The following HIPK2 variants were observed in gnomAD, a reference collection of about 807,000 sequenced individuals.
HIPK2 encodes the protein homeodomain-interacting protein kinase 2.
Under a neutral mutation model 113.7 loss-of-function variants are expected in HIPK2, and 27 were observed. The ratio of observed to expected loss-of-function variants is 0.24; its 90% confidence interval spans 0.17 to 0.33. The LOEUF (loss-of-function observed/expected upper bound fraction) is 0.33, where lower values mean the gene tolerates loss of function less well. HIPK2 is among the 10% of genes least tolerant of loss of function. The pLI is 1.00. For synonymous variants in HIPK2, 631 were observed against 642.2 expected, an observed-to-expected ratio of 0.98 and a Z score of 0.26; for missense variants, 1,257 against 1,588.0, an observed-to-expected ratio of 0.79 and a Z score of 3.54.
intron 13 of HIPK2, among the ~76,000 whole-genome samples, chr7:139,577,455 A>G (rs1569442638): frequency 1.3e-5 from 2 of 152,060 alleles, no homozygotes; most frequent in Admixed American, 1.3e-4. Context: ...CTGGGCCAAC[A>G]CTGGGCTTCT....
intron 2 of HIPK2, among the ~76,000 whole-genome samples, chr7:139,633,906 T>C (rs982881214): frequency 7.9e-5 from 12 of 151,212 alleles, no homozygotes; most frequent in Non-Finnish European, 7.4e-5. Flanking sequence ...GATCGTGCCA[T>C]TGTACTCCAG....
intron 12 of HIPK2, among the ~76,000 whole-genome samples, chr7:139,584,894 C>A (rs574613830): frequency 3.9e-5 from 6 of 152,216 alleles, no homozygotes; most frequent in Admixed American, 1.3e-4. Context: ...TGTGGAACTT[C>A]ATACAATAGG....
intron 1 of HIPK2, among the ~76,000 whole-genome samples, chr7:139,737,160 G>C (rs1230975083): frequency 1.3e-5 from 2 of 152,110 alleles, no homozygotes; most frequent in African/African-American, 4.8e-5. Flanking sequence ...GGCTCATATA[G>C]TATTCCTACC....
chr7:139,728,537 C>A (rs780518375), intron 1 of HIPK2, among the ~76,000 whole-genome samples: 44 of 152,130 alleles, frequency 2.9e-4, no homozygotes, highest in Non-Finnish European at 5.1e-4. Flanking sequence ...CCAAATTTCC[C>A]TTTTAATAAG....
At chr7:139,723,763 G>C (rs1236853576) in intron 1 of HIPK2, among the ~76,000 whole-genome samples, 2 of 152,156 alleles carry the variant, frequency 1.3e-5, no homozygotes, top group Non-Finnish European at 2.9e-5. Context: ...TTCTAGCAAA[G>C]CTCAAGCCCT....
intron 13 of HIPK2, among the ~76,000 whole-genome samples, chr7:139,578,992 A>T (rs1798580682): frequency 6.6e-6 from 1 of 152,138 alleles, no homozygotes; most frequent in Admixed American, 6.5e-5. Flanking sequence ...TCTGTGATTT[A>T]TATTTTTTGG....
chr7:139,709,127 AC>A (rs1794990801), intron 2 of HIPK2, among the ~76,000 whole-genome samples: 1 of 152,298 alleles, frequency 6.6e-6, no homozygotes, highest in East Asian at 1.9e-4. Context: ...CTTATTGATT[AC>A]TTCTCTTCAA....
chr7:139,627,402 T>C (rs1800472214), intron 5 of HIPK2, among the ~76,000 whole-genome samples: 1 of 152,192 alleles, frequency 6.6e-6, no homozygotes, highest in South Asian at 2.1e-4. Flanking sequence ...ACCTACAGCA[T>C]ATCATCCTTC....
rs1039226018 is a variant in HIPK2 at position 139,608,360 on chromosome 7, G to GTA, written c.2113-4139_2113-4138dup. Among the ~76,000 whole-genome samples, 12 of 137,394 alleles carry GTA rather than the reference G, an allele frequency of 8.7e-5. No homozygotes were observed. In the South Asian group the frequency reaches 8.8e-4, roughly 10 times the overall value. The allele number at this position is 137,394 out of a possible 152,430, so 90.1% of individuals were successfully genotyped here. The stretch of plus-strand genomic sequence containing the variant: ...TATATAACAGGGATAATATATATGT[G>GTA]TATATATATACATATATACATATAT... On this transcript the variant is annotated intron_variant, in intron 9 of 14. Coordinates refer to ENST00000406875, the MANE Select transcript of HIPK2 (RefSeq NM_022740.5).
chr7:139,726,489 G>T (rs1276502073), intron 1 of HIPK2, among the ~76,000 whole-genome samples: 1 of 152,192 alleles, frequency 6.6e-6, no homozygotes, highest in Non-Finnish European at 1.5e-5. Context: ...TGAAGTGTTG[G>T]GGGAGGGGAG....
chr7:139,769,359 C>T (rs1796611996), intron 1 of HIPK2, among the ~76,000 whole-genome samples: 1 of 152,146 alleles, frequency 6.6e-6, no homozygotes, highest in African/African-American at 2.4e-5. Context: ...CCACCCCTGG[C>T]TGTCTGGTTC....
intron 9 of HIPK2, among the ~76,000 whole-genome samples, chr7:139,609,850 G>C (rs1034664871): frequency 6.6e-6 from 1 of 152,140 alleles, no homozygotes; most frequent in Non-Finnish European, 1.5e-5. Context: ...AGAAATCTCT[G>C]CATGTCAAGA....
intron 10 of HIPK2, among the ~76,000 whole-genome samples, chr7:139,601,692 T>C (rs572334538): frequency 1.3e-5 from 2 of 152,334 alleles, no homozygotes; most frequent in East Asian, 3.9e-4. Flanking sequence ...TGTATGAAGC[T>C]TAAAGCCTTG....
chr7:139,725,546 T>C (rs1585425299), intron 1 of HIPK2, among the ~76,000 whole-genome samples: 2 of 152,358 alleles, frequency 1.3e-5, no homozygotes, highest in Admixed American at 6.5e-5. Context: ...TACCTAGTTA[T>C]CCAGAATTGT....
chr7:139,600,890 T>G (rs1799400611), intron 10 of HIPK2, among the ~76,000 whole-genome samples: 1 of 152,138 alleles, frequency 6.6e-6, no homozygotes, highest in South Asian at 2.1e-4. Flanking sequence ...AGATAAATAT[T>G]CCCTCCAACT....
chr7:139,679,920 T>A (rs1487539168), intron 2 of HIPK2, among the ~76,000 whole-genome samples: 1 of 151,874 alleles, frequency 6.6e-6, no homozygotes, highest in African/African-American at 2.4e-5. Context: ...ACATCTAGGA[T>A]GCTTTTATCA....
rs2116402509 is a variant in HIPK2, at chr7:139,567,181, T to C, written c.*5746A>G. 1 of 152,202 alleles carries C rather than the reference T, an allele frequency of 6.6e-6. No homozygotes were observed. 9.4% of individuals were successfully genotyped at this position (152,202 alleles called of 1,614,324 possible). A position where few individuals can be genotyped will look rare whatever the true frequency, so the allele number is the denominator to read the frequency against. On this transcript the variant is annotated 3_prime_UTR_variant, in exon 15 of 15. Coordinates refer to ENST00000406875, the MANE Select transcript of HIPK2 (RefSeq NM_022740.5). Reference sequence around the variant, plus strand: ...AAGTGAGAGTTCTAAGGCATCAAAGTGGAAAAGTACTGCTATTCCGAGCCC... The same window carrying C: ...AAGTGAGAGTTCTAAGGCATCAAAGCGGAAAAGTACTGCTATTCCGAGCCC...
rs78963596 is a variant in HIPK2 at position 139,714,126 on chromosome 7, C to T, written c.1103+1806G>A. 0.041 allele frequency among the ~76,000 whole-genome samples: 6,275 copies of T among 152,186 alleles called. 421 individuals carry two copies. The highest frequency in any genetic ancestry group is 0.14 in the African/African-American group (5,943 of 41,498). ...GCAGCAGTAGACCCGTCTGTCCGCA[C>T]GGGGCCTGGTGGTGAAAGCACAGGC... On this transcript the variant is annotated intron_variant, in intron 2 of 14. Coordinates refer to ENST00000406875, the MANE Select transcript of HIPK2 (RefSeq NM_022740.5). The surrounding 1 kb of genome is among the most constrained non-coding windows in gnomAD (Gnocchi z 4.2).
At chr7:139,769,189 G>A (rs753969678) in intron 1 of HIPK2, among the ~76,000 whole-genome samples, 4 of 152,190 alleles carry the variant, frequency 2.6e-5, no homozygotes, top group Non-Finnish European at 5.9e-5. Flanking sequence ...AAGCCGACAA[G>A]TGCTCGATGC....
Sources: allele counts gnomAD v4.1 joint callset (sites outside exome capture counted in the v4.1 genomes callset), GRCh38; gene constraint gnomAD v4.1.1; non-coding constraint Gnocchi (gnomAD v3.1); transcripts MANE v1.5; gene names NCBI Gene and HGNC (gene_info 2026-07-23, HGNC 2026-07-21).